The following KCNE1 variants were observed in gnomAD, a reference collection of about 807,000 sequenced individuals.
KCNE1 encodes the protein potassium voltage-gated channel subfamily E regulatory subunit 1.
KCNE1 carries 1 observed loss-of-function variant against 2.9 expected under a neutral mutation model. That is an observed-to-expected ratio of 0.34 (90% CI 0.12 to 1.62). The LOEUF (loss-of-function observed/expected upper bound fraction) is 1.62. Ranked by LOEUF, KCNE1 falls within the 40% of genes most tolerant of loss-of-function variation. KCNE1 has a pLI of 0.36. For synonymous variants in KCNE1, 23 were observed against 65.4 expected, an observed-to-expected ratio of 0.35 and a Z score of 3.13; for missense variants, 45 against 150.5, an observed-to-expected ratio of 0.30 and a Z score of 3.67.
chr21:34,451,705 T>TGG (rs1981314135), intron 3 of KCNE1, among the ~76,000 whole-genome samples: 1 of 66,200 alleles, frequency 1.5e-5, no homozygotes, highest in Non-Finnish European at 2.9e-5. Context: ...GAACTCTGGC[T>TGG]GTGTCTCAGA....
At chr21:34,511,545 T>A (rs1461716360) in intron 1 of KCNE1, among the ~76,000 whole-genome samples, 1 of 140,130 alleles carries the variant, frequency 7.1e-6, no homozygotes, top group Non-Finnish European at 1.5e-5. Context: ...GGCCCCTCCA[T>A]CCTGGGTTCC....
In KCNE1 at chr21:34,449,511, G is replaced by A. The variant is rs1264529820; in HGVS notation, c.124C>T (p.Leu42=). The A allele has an allele frequency of 3.2e-6, 3 of 932,208 alleles. 1 individual carries two copies. Among genetic ancestry groups the A allele is most frequent in the Non-Finnish European group, 4.4e-6 (3 of 686,818 alleles). The allele number at this position is 932,208 out of a possible 1,614,324, so 57.7% of individuals were successfully genotyped here. A position where few individuals can be genotyped will look rare whatever the true frequency, so the allele number is the denominator to read the frequency against. ...RRSPRSSDGK[L]EALYVLMVLG... is the part of the protein sequence containing the mutation. ...ACCATGAGGACGTAGAGGGCCTCCA[G>A]CTTGCCGTCACTGCTGCGGGGGGAC... The change falls in exon 4 of 4, where the codon CTG becomes TTG. Residue 42 remains leucine, a synonymous_variant. Coordinates refer to ENST00000399286, the MANE Select transcript of KCNE1 (RefSeq NM_000219.6).
chr21:34,498,770 CT>C (rs1982963982), intron 2 of KCNE1, among the ~76,000 whole-genome samples: 1 of 152,246 alleles, frequency 6.6e-6, no homozygotes, highest in Non-Finnish European at 1.5e-5. Flanking sequence ...GTTGTTTTCT[CT>C]TTCCTTGAAG....
At position 34,511,064 on chromosome 21, in the gene KCNE1, A is replaced by T; in HGVS notation, c.-162+37T>A. ...ATGAGGGTGGGAGCAGAGGGTGCCT[A>T]ACTGAGGAAAGGGTCTGTGCAACCC... On this transcript the variant is annotated intron_variant, in intron 2 of 3. Transcript: ENST00000399286. 5.9e-6 allele frequency: 5 copies of T among 847,908 alleles called. No homozygotes were observed. The South Asian group carries it at 2.7e-4, about 46-fold the overall frequency. The allele number at this position is 847,908 out of a possible 1,614,324, so 52.5% of individuals were successfully genotyped here.
In KCNE1 at chr21:34,497,982, C is replaced by T. The variant is rs146799180; in HGVS notation, c.-162+13119G>A. Among the ~76,000 whole-genome samples, 1,160 of 152,166 alleles carry T rather than the reference C, an allele frequency of 7.6e-3. 12 individuals are homozygous for T. The highest frequency in any genetic ancestry group is 0.026 in the African/African-American group (1,076 of 41,520). On this transcript the variant is annotated intron_variant, in intron 2 of 3. Coordinates refer to ENST00000399286, the MANE Select transcript of KCNE1 (RefSeq NM_000219.6). ...TGCTTGTTCTAATCTATTGTTGACA[C>T]TTTCCAGTGCATTTTATCTTTCTCT... is the stretch of plus-strand genomic sequence containing the variant.
chr21:34,503,812 T>C (rs1476822539), intron 2 of KCNE1, among the ~76,000 whole-genome samples: 1 of 152,196 alleles, frequency 6.6e-6, no homozygotes, highest in Non-Finnish European at 1.5e-5. Flanking sequence ...CTAAACAAAG[T>C]AGATTCTTAT....
At chr21:34,509,806 A>T (rs1279121501) in intron 2 of KCNE1, 1 of 152,124 alleles carries the variant, frequency 6.6e-6, no homozygotes, top group Non-Finnish European at 1.5e-5. Context: ...CAGGTTCATT[A>T]TTGGGGTAAA....
intron 2 of KCNE1, among the ~76,000 whole-genome samples, chr21:34,503,870 A>G (rs1365587626): frequency 8.6e-5 from 13 of 151,756 alleles, no homozygotes; most frequent in Admixed American, 7.9e-4. Context: ...ATGCCACCAA[A>G]CCCTTTTCTT....
intron 2 of KCNE1, among the ~76,000 whole-genome samples, chr21:34,507,719 G>A (rs964881422): frequency 6.6e-6 from 1 of 152,166 alleles, no homozygotes; most frequent in African/African-American, 2.4e-5. Context: ...TGCATTATAA[G>A]AATGGAGTTT....
At position 34,449,376 on chromosome 21, in the gene KCNE1, A is replaced by G. The variant is rs199473361; in HGVS notation, c.259T>C (p.Trp87Arg). The change falls in exon 4 of 4, where the codon TGG becomes CGG. Residue 87 changes from tryptophan (W) to arginine (R), a missense_variant. Transcript: ENST00000399286. Reference protein sequence around the residue: ...PFNVYIESDAWQEKDKAYVQA... With the variant: ...PFNVYIESDARQEKDKAYVQA... Reference sequence around the variant, plus strand: ...ACATAGGCCTTGTCCTTCTCTTGCCAGGCATCGGACTCGATGTAGACGTTG... The same window carrying G: ...ACATAGGCCTTGTCCTTCTCTTGCCGGGCATCGGACTCGATGTAGACGTTG... The G allele has an allele frequency of 6.2e-7, 1 of 1,604,994 alleles. No homozygotes were observed. The highest frequency in any genetic ancestry group is 8.5e-7 in the Non-Finnish European group (1 of 1,175,880).
At chr21:34,506,886 G>C (rs1983524106) in intron 2 of KCNE1, among the ~76,000 whole-genome samples, 1 of 152,172 alleles carries the variant, frequency 6.6e-6, no homozygotes, top group Non-Finnish European at 1.5e-5. Context: ...CAAAGGACAC[G>C]ATGCTCAAGA....
chr21:34,499,949 A>G (rs1164804563), intron 2 of KCNE1, among the ~76,000 whole-genome samples: 5 of 152,208 alleles, frequency 3.3e-5, no homozygotes, highest in Admixed American at 1.3e-4. Context: ...CCTGTCTCCT[A>G]TCTGTCATCT....
intron 2 of KCNE1, among the ~76,000 whole-genome samples, chr21:34,499,142 G>A (rs11701860): frequency 0.14 from 21,525 of 152,128 alleles, 1,789 homozygotes; most frequent in Non-Finnish European, 0.19. Context: ...TTATGGCTGC[G>A]TCTGTTGCAT....
chr21:34,499,668 G>A (rs538248444), intron 2 of KCNE1, among the ~76,000 whole-genome samples: 112 of 152,300 alleles, frequency 7.4e-4, no homozygotes, highest in Non-Finnish European at 1.0e-3. Flanking sequence ...CTGTAGATAC[G>A]GTTAAATCCT....
intron 2 of KCNE1, among the ~76,000 whole-genome samples, chr21:34,505,100 AC>A (rs1333193765): frequency 6.6e-6 from 1 of 152,212 alleles, no homozygotes; most frequent in Non-Finnish European, 1.5e-5. Context: ...TAAGAACTAA[AC>A]AAAAACTAAG....
chr21:34,498,268 T>C (rs1982930819), intron 2 of KCNE1, among the ~76,000 whole-genome samples: 2 of 152,232 alleles, frequency 1.3e-5, no homozygotes, highest in African/African-American at 4.8e-5. Context: ...TGTTTTGTCA[T>C]ATTACCAGAA....
At chr21:34,504,610 A>G (rs1347982974) in intron 2 of KCNE1, among the ~76,000 whole-genome samples, 4 of 152,260 alleles carry the variant, frequency 2.6e-5, no homozygotes, top group African/African-American at 9.6e-5. Flanking sequence ...ACACTTGGAC[A>G]CAAATGTGCA....
chr21:34,501,876 G>A (rs1983189757), intron 2 of KCNE1, among the ~76,000 whole-genome samples: 1 of 152,156 alleles, frequency 6.6e-6, no homozygotes, highest in Non-Finnish European at 1.5e-5. Context: ...CAGTCAAGGT[G>A]CACCTCAGCT....
At chr21:34,503,107 A>C (rs937801409) in intron 2 of KCNE1, among the ~76,000 whole-genome samples, 1 of 152,186 alleles carries the variant, frequency 6.6e-6, no homozygotes, top group African/African-American at 2.4e-5. Context: ...TAGTCCTATA[A>C]GACTCTCCCC....
Sources: allele counts gnomAD v4.1 joint callset (sites outside exome capture counted in the v4.1 genomes callset), GRCh38; gene constraint gnomAD v4.1.1; transcripts MANE v1.5; gene names NCBI Gene and HGNC (gene_info 2026-07-23, HGNC 2026-07-21).